The following C6orf132 variants were observed in gnomAD, a reference collection of about 807,000 sequenced individuals.
C6orf132 encodes the protein chromosome 6 open reading frame 132.
Under a neutral mutation model 65.3 loss-of-function variants are expected in C6orf132, and 43 were observed. The observed-to-expected ratio is 0.66, with a 90% confidence interval of 0.52 to 0.85. The LOEUF (loss-of-function observed/expected upper bound fraction) is 0.85. C6orf132 is among the 40% of genes least tolerant of loss of function. The pLI, the probability that C6orf132 is intolerant of heterozygous loss-of-function variation, is 0.00. For missense variants in C6orf132, 1,488 were observed against 1,548.8 expected, an observed-to-expected ratio of 0.96 and a Z score of 0.66; for synonymous variants, 631 against 654.1, an observed-to-expected ratio of 0.96 and a Z score of 0.54.
chr6:42,106,511 C>A lies in C6orf132; in HGVS notation c.1401G>T (p.Met467Ile), dbSNP rs1453562319. ...APVDWRDPSQ[M>I]EKLRNELAAY... ...CTGCCAGCTCGTTCCGCAGCTTTTC[C>A]ATCTGGCTGGGGTCCCTCCAGTCCA... Residue 467 changes from methionine to isoleucine, a missense_variant, in exon 4 of 5, where the codon ATG becomes ATT. Physicochemically the swap from Met to Ile is conservative, Grantham distance 10. Coordinates refer to ENST00000341865, the MANE Select transcript of C6orf132 (RefSeq NM_001164446.3). The A allele has an allele frequency of 1.3e-6, 2 of 1,536,310 alleles. No individual in the cohort carries two copies. The highest frequency in any genetic ancestry group is 1.2e-5 in the South Asian group (1 of 84,032).
intron 2 of C6orf132, among the ~76,000 whole-genome samples, chr6:42,118,353 G>A (rs1416073907): frequency 6.6e-6 from 1 of 152,156 alleles, no homozygotes; most frequent in East Asian, 1.9e-4. Context: ...GTCACTGTTG[G>A]CCTCAGACAC....
At chr6:42,135,463 C>G (rs1190406746) in intron 1 of C6orf132, among the ~76,000 whole-genome samples, 2 of 152,234 alleles carry the variant, frequency 1.3e-5, no homozygotes, top group African/African-American at 4.8e-5. Context: ...CATGCTGCCA[C>G]AGGACGCCCA....
At chr6:42,135,358 CT>C (rs1369326810) in intron 1 of C6orf132, among the ~76,000 whole-genome samples, 3 of 152,212 alleles carry the variant, frequency 2.0e-5, no homozygotes, top group Non-Finnish European at 4.4e-5. Flanking sequence ...CTCCCTGCCT[CT>C]CCCCAACAGG....
intron 2 of C6orf132, among the ~76,000 whole-genome samples, chr6:42,123,977 G>A (rs544694200): frequency 6.6e-6 from 1 of 152,200 alleles, no homozygotes; most frequent in Admixed American, 6.5e-5. Context: ...GTGTCATTAG[G>A]GCCTGGCTTC....
intron 2 of C6orf132, among the ~76,000 whole-genome samples, chr6:42,123,592 G>GAAGAAAGAAGAAAGAAGAAGAAGA (rs1562038795): frequency 6.6e-6 from 1 of 151,352 alleles, no homozygotes; most frequent in African/African-American, 2.4e-5. Flanking sequence ...GAAAGAAGAA[G>GAAGAAAGAAGAAAGAAGAAGAAGA]AAGAAAGAAG....
At chr6:42,132,864 A>AAAAAAGAAAAGAAAAGAAAAG (rs1300102491) in intron 1 of C6orf132, among the ~76,000 whole-genome samples, 3 of 148,574 alleles carry the variant, frequency 2.0e-5, no homozygotes, top group African/African-American at 7.7e-5. Flanking sequence ...CTCAAAAAAA[A>AAAAAAGAAAAGAAAAGAAAAG]AAAAGAAAAG....
intron 1 of C6orf132, among the ~76,000 whole-genome samples, chr6:42,138,464 G>A (rs1766985011): frequency 6.6e-6 from 1 of 152,092 alleles, no homozygotes; most frequent in Non-Finnish European, 1.5e-5. Context: ...GCAAATTTTT[G>A]TATTTTTAGT....
chr6:42,111,933 A>G (rs1263197025), intron 2 of C6orf132, among the ~76,000 whole-genome samples: 4 of 152,104 alleles, frequency 2.6e-5, no homozygotes, highest in Non-Finnish European at 5.9e-5. Context: ...AAGGTCCCCA[A>G]TGACCTGGCC....
At chr6:42,114,717 G>A (rs1001341891) in intron 2 of C6orf132, among the ~76,000 whole-genome samples, 2 of 152,150 alleles carry the variant, frequency 1.3e-5, no homozygotes, top group African/African-American at 4.8e-5. Flanking sequence ...TAAGAAGAGG[G>A]CTTGAGGCAG....
intron 1 of C6orf132, among the ~76,000 whole-genome samples, chr6:42,132,568 G>C (rs1187302923): frequency 6.7e-6 from 1 of 149,164 alleles, no homozygotes; most frequent in African/African-American, 2.5e-5. Flanking sequence ...GGAGGTGTGG[G>C]GCTGGGCGCG....
rs1005087455 is a variant in C6orf132, at chr6:42,105,284, C to G, written c.2628G>C (p.Glu876Asp). ...TGTGGAAGATGCTGTCAGAGCTGGC[C>G]TCGGCTTGGTGGCTGTGGTCACGGA... ...GSLRDHSHQA[E>D]ASSDSIFHSQ... Residue 876 changes from glutamate to aspartate, a missense_variant, in exon 4 of 5, where the codon GAG (glutamate) becomes GAC (aspartate). Coordinates refer to ENST00000341865, the MANE Select transcript of C6orf132 (RefSeq NM_001164446.3). 1.0e-5 allele frequency: 16 copies of G among 1,537,070 alleles called. No homozygotes were observed. The highest frequency in any genetic ancestry group is 1.3e-5 in the Non-Finnish European group (15 of 1,146,898).
intron 1 of C6orf132, among the ~76,000 whole-genome samples, chr6:42,132,856 C>CAAAA (rs529784118): frequency 4.7e-4 from 43 of 91,828 alleles, no homozygotes; most frequent in African/African-American, 2.0e-3. Flanking sequence ...GACTCTGTCT[C>CAAAA]AAAAAAAAAA....
At chr6:42,118,802 G>C (rs894951680) in intron 2 of C6orf132, among the ~76,000 whole-genome samples, 2 of 151,608 alleles carry the variant, frequency 1.3e-5, no homozygotes, top group Admixed American at 1.3e-4. Context: ...TAAGACCATC[G>C]GTCACTTCAC....
chr6:42,112,098 C>T (rs928255942), intron 2 of C6orf132, among the ~76,000 whole-genome samples: 12 of 152,146 alleles, frequency 7.9e-5, no homozygotes, highest in African/African-American at 2.9e-4. Flanking sequence ...CCTGTCATTC[C>T]CACTCTCCAT....
chr6:42,138,558 A>C (rs1392427074), intron 1 of C6orf132, among the ~76,000 whole-genome samples: 5 of 152,190 alleles, frequency 3.3e-5, no homozygotes, highest in Non-Finnish European at 5.9e-5. Flanking sequence ...AAGCACTGGG[A>C]TTACAGGCGT....
Position 42,105,537 on chromosome 6 carries a change from C to T in C6orf132, c.2375G>A (p.Gly792Glu). The T allele has an allele frequency of 6.5e-7, 1 of 1,534,498 alleles. No homozygotes were observed. The highest frequency in any genetic ancestry group is 8.7e-7 in the Non-Finnish European group (1 of 1,145,368). ...GGGCTCCCCTGGCCCTGCAGCCCCTCCTCTGGCCAGGGTGGGCATCACCAC... is the reference window on the plus strand; with the variant it reads ...GGGCTCCCCTGGCCCTGCAGCCCCTTCTCTGGCCAGGGTGGGCATCACCAC... ...VAVVMPTLAR[G>E]GAAGPGEPVE... Residue 792 changes from glycine to glutamate, a missense_variant, in exon 4 of 5, where the codon GGA (glycine) becomes GAA (glutamate). Gly to Glu is a moderately conservative substitution (Grantham distance 98). Transcript: ENST00000341865.
chr6:42,114,228 C>T (rs1234074166), intron 2 of C6orf132, among the ~76,000 whole-genome samples: 1 of 152,226 alleles, frequency 6.6e-6, no homozygotes, highest in Non-Finnish European at 1.5e-5. Context: ...TCTTAGGTCC[C>T]TATTCTGACA....
rs141419979 is a variant in C6orf132, at chr6:42,120,122, C to A, written c.252+8550G>T. On this transcript the variant is annotated intron_variant, in intron 2 of 4. Transcript: ENST00000341865. The stretch of plus-strand genomic sequence containing the variant: ...AAACAAAAACAAAAACAAAAAAAAC[C>A]CATCATCACAGCCTAGTATATTGGA... Among the ~76,000 whole-genome samples the A allele has an allele frequency of 9.8e-3, 1,488 of 152,018 alleles. 7 individuals carry two copies. Among genetic ancestry groups the A allele is most frequent in the Non-Finnish European group, 0.011 (779 of 67,980 alleles).
At chr6:42,121,117 C>G (rs76789982) in intron 2 of C6orf132, among the ~76,000 whole-genome samples, 9,105 of 152,136 alleles carry the variant, frequency 0.06, 685 homozygotes, top group African/African-American at 0.18. Context: ...GGAATAATCC[C>G]ACCTCCCTTA....
Sources: gnomAD v4.1 joint callset for allele counts (sites outside exome capture counted in the v4.1 genomes callset) on GRCh38, gnomAD v4.1.1 for gene constraint, MANE v1.5 for transcripts, NCBI Gene and HGNC (gene_info 2026-07-23, HGNC 2026-07-21) for gene names.